WDR19: variants seen among roughly 807,000 people sequenced by gnomAD.
The protein encoded by WDR19 is WD repeat domain 19, also known as WD repeat-containing protein 19.
WDR19 carries 121 observed loss-of-function variants against 180.0 expected under a neutral mutation model. That is an observed-to-expected ratio of 0.67 (90% CI 0.58 to 0.78). WDR19 has a LOEUF of 0.78. WDR19 is among the 30% of genes least tolerant of loss of function. The pLI is 0.00. For missense variants in WDR19, 1,450 were observed against 1,640.7 expected, an observed-to-expected ratio of 0.88 and a Z score of 2.01; for synonymous variants, 497 against 540.7, an observed-to-expected ratio of 0.92 and a Z score of 1.12.
At chr4:39,242,011 C>A (rs983621909) in intron 21 of WDR19, among the ~76,000 whole-genome samples, 1 of 150,908 alleles carries the variant, frequency 6.6e-6, no homozygotes, top group Admixed American at 6.6e-5. Flanking sequence ...TCACTCAGTG[C>A]AAAGCAGCAT....
rs1292577839 is a variant in WDR19 at position 39,245,482 on chromosome 4, T to A, written c.2729+30T>A. On this transcript the variant is annotated intron_variant, in intron 24 of 36. Coordinates refer to ENST00000399820, the MANE Select transcript of WDR19 (RefSeq NM_025132.4). ...GTACACTTTCTCAAATTTATACCAATTTAAAGTAATGTAAGCTTTACAAAT... is the reference window on the plus strand; with the variant it reads ...GTACACTTTCTCAAATTTATACCAAATTAAAGTAATGTAAGCTTTACAAAT... 1.9e-6 allele frequency: 3 copies of A among 1,593,608 alleles called. No individual in the cohort carries two copies. In the East Asian group the frequency reaches 6.7e-5, roughly 36 times the overall value.
rs372663468 is a variant in WDR19, at chr4:39,229,819, G to A, written c.1982+1129G>A. On this transcript the variant is annotated intron_variant, in intron 17 of 36. Coordinates refer to ENST00000399820, the MANE Select transcript of WDR19 (RefSeq NM_025132.4). ...GTCATGTGTCCTTGGAAGTCCATGA[G>A]CTCTTCAAACTTGCCCTTTCTAAAA... Among the ~76,000 whole-genome samples, 79 of 152,232 alleles carry A rather than the reference G, an allele frequency of 5.2e-4. 1 individual carries two copies. The South Asian group carries it at 0.016, about 31-fold the overall frequency.
intron 30 of WDR19, among the ~76,000 whole-genome samples, chr4:39,269,677 T>C (rs574576459): frequency 2.6e-5 from 4 of 152,198 alleles, no homozygotes; most frequent in South Asian, 2.1e-4. Context: ...GAAAACCTTG[T>C]CTCTACAAAA....
At position 39,240,626 on chromosome 4, in the gene WDR19, T is replaced by C. The variant is rs190934911; in HGVS notation, c.2421+292T>C. Among the ~76,000 whole-genome samples, 52 of 152,262 alleles carry C rather than the reference T, an allele frequency of 3.4e-4. No individual in the cohort carries two copies. The East Asian group carries it at 9.1e-3, about 27-fold the overall frequency. Reference sequence around the variant, plus strand: ...ATCCTTTCTTACTTATAGGCTATGATTTTCATAAGGTTTTTCCTTTTGCTC... The same window carrying C: ...ATCCTTTCTTACTTATAGGCTATGACTTTCATAAGGTTTTTCCTTTTGCTC... On this transcript the variant is annotated intron_variant, in intron 21 of 36. Coordinates refer to ENST00000399820, the MANE Select transcript of WDR19 (RefSeq NM_025132.4).
chr4:39,272,627 T>G (rs1735478908), intron 31 of WDR19, among the ~76,000 whole-genome samples: 1 of 152,098 alleles, frequency 6.6e-6, no homozygotes, highest in South Asian at 2.1e-4. Context: ...CAGATCATTC[T>G]CTCTCTCTCT....
intron 20 of WDR19, among the ~76,000 whole-genome samples, chr4:39,236,179 C>T (rs1158913646): frequency 1.3e-5 from 2 of 152,088 alleles, no homozygotes; most frequent in Admixed American, 1.3e-4. Context: ...AAGATACCTG[C>T]ATTCGTATGT....
chr4:39,266,885 A>G (rs1336953132), intron 29 of WDR19, among the ~76,000 whole-genome samples: 1 of 152,226 alleles, frequency 6.6e-6, no homozygotes, highest in African/African-American at 2.4e-5. Context: ...GGAGTTGGAG[A>G]CTAGCCTGGC....
chr4:39,278,510 T>C (rs1736137152), intron 35 of WDR19, 29 bp from the exon 36 acceptor site: 1 of 1,555,012 alleles, frequency 6.4e-7, no homozygotes, highest in Non-Finnish European at 8.8e-7. Flanking sequence ...ATATATTTAA[T>C]TTACTCTGCC....
chr4:39,274,678 G>A (rs1735723960), intron 32 of WDR19, 130 bp from the exon 33 acceptor site: 1 of 1,084,148 alleles, frequency 9.2e-7, no homozygotes, highest in East Asian at 2.4e-5. Context: ...ATCATATCTG[G>A]TTCTTTGCAG....
intron 3 of WDR19, among the ~76,000 whole-genome samples, 184 bp from the exon 4 acceptor site, chr4:39,189,472 C>T (rs1725919673): frequency 6.6e-6 from 1 of 152,160 alleles, no homozygotes; most frequent in African/African-American, 2.4e-5. Flanking sequence ...ACCGTCCCCT[C>T]AACCACAGCA....
At chr4:39,242,120 G>A (rs777938553) in intron 21 of WDR19, among the ~76,000 whole-genome samples, 10 of 152,012 alleles carry the variant, frequency 6.6e-5, no homozygotes, top group Non-Finnish European at 1.5e-4. Context: ...ACACTGGGGT[G>A]CAGTGGAAGA....
rs1319947270 is a variant in WDR19, at chr4:39,216,094, A to G, written c.1135-2A>G. On this transcript the variant is annotated splice_acceptor_variant, in intron 11 of 36. Transcript: ENST00000399820. LOFTEE classifies it high-confidence loss of function. The stretch of plus-strand genomic sequence containing the variant: ...GATTTATTACTATTTTCTTTATTAT[A>G]GGAGCTACCAATCACAGTTTCTGTT... 3 of 1,572,872 alleles carry G rather than the reference A, an allele frequency of 1.9e-6. No homozygotes were observed. The highest frequency in any genetic ancestry group is 2.3e-5 in the East Asian group (1 of 43,004).
chr4:39,209,419 C>T (rs532462419), intron 9 of WDR19, among the ~76,000 whole-genome samples: 1 of 151,962 alleles, frequency 6.6e-6, no homozygotes, highest in East Asian at 1.9e-4. Flanking sequence ...GTTTCTACCT[C>T]AAGACACTGA....
intron 28 of WDR19, among the ~76,000 whole-genome samples, chr4:39,263,015 G>A (rs1734441240): frequency 1.3e-5 from 2 of 152,100 alleles, no homozygotes; most frequent in African/African-American, 4.8e-5. Context: ...GCAGCCAGAA[G>A]CCACACCCCT....
At chr4:39,262,393 C>T (rs1371894435) in intron 28 of WDR19, among the ~76,000 whole-genome samples, 1 of 152,060 alleles carries the variant, frequency 6.6e-6, no homozygotes, top group Non-Finnish European at 1.5e-5. Flanking sequence ...TACAGACATG[C>T]CACCGCACCC....
chr4:39,245,436 A>G lies in WDR19; in HGVS notation c.2713A>G (p.Lys905Glu). 1 of 1,613,740 alleles carries G rather than the reference A, an allele frequency of 6.2e-7. No individual in the cohort carries two copies. Among genetic ancestry groups the G allele is most frequent in the Non-Finnish European group, 8.5e-7 (1 of 1,179,800 alleles). The change falls in exon 24 of 37, where the codon AAG (lysine) becomes GAG (glutamate). Residue 905 changes from lysine (K) to glutamate (E), a missense_variant. Transcript: ENST00000399820. ...PKIHLQYAKA[K>E]EADGRYKEAV... ...GATCCATTTGCAGTATGCCAAAGCC[A>G]AGGAAGCAGATGGAAGGTTTGTACA... is the stretch of plus-strand genomic sequence containing the variant.
intron 14 of WDR19, among the ~76,000 whole-genome samples, chr4:39,223,505 AT>A (rs71643278): frequency 0.097 from 14,672 of 151,894 alleles, 876 homozygotes; most frequent in East Asian, 0.2. Flanking sequence ...AAATTTTTGT[AT>A]TTTTAGTAGA....
At chr4:39,241,087 C>T (rs1376466574) in intron 21 of WDR19, among the ~76,000 whole-genome samples, 1 of 152,110 alleles carries the variant, frequency 6.6e-6, no homozygotes, top group Non-Finnish European at 1.5e-5. Flanking sequence ...ACTGTGCCAC[C>T]TCTTTTTCCC....
At chr4:39,248,593 A>G (rs1732788988) in intron 24 of WDR19, among the ~76,000 whole-genome samples, 3 of 152,152 alleles carry the variant, frequency 2.0e-5, no homozygotes, top group Non-Finnish European at 2.9e-5. Flanking sequence ...TCAGTGTGCT[A>G]TATTCAGGAG....
Sources: gnomAD v4.1 joint callset for allele counts (sites outside exome capture counted in the v4.1 genomes callset) on GRCh38, gnomAD v4.1.1 for gene constraint, MANE v1.5 for transcripts, NCBI Gene and HGNC (gene_info 2026-07-23, HGNC 2026-07-21) for gene names.